Variants in FRYL observed in about 807,000 individuals in gnomAD.
FRYL encodes the protein FRY like transcription coactivator, also known as protein furry homolog-like.
Under a neutral mutation model 351.2 loss-of-function variants are expected in FRYL, and 150 were observed. The ratio of observed to expected loss-of-function variants is 0.43; its 90% confidence interval spans 0.37 to 0.49. FRYL has a LOEUF of 0.49. Ranked by LOEUF, FRYL falls within the 20% of genes least tolerant of loss-of-function variation. The pLI, the probability that FRYL is intolerant of heterozygous loss-of-function variation, is 0.00. For missense variants in FRYL, 3,036 were observed against 3,619.3 expected, an observed-to-expected ratio of 0.84 and a Z score of 4.13; for synonymous variants, 1,153 against 1,257.1, an observed-to-expected ratio of 0.92 and a Z score of 1.75.
At chr4:48,627,935 T>C (rs548978552) in intron 4 of FRYL, among the ~76,000 whole-genome samples, 1 of 152,268 alleles carries the variant, frequency 6.6e-6, no homozygotes, top group East Asian at 1.9e-4. Context: ...CACGTCCAGC[T>C]AGTTTTTGTA....
In FRYL at chr4:48,714,297, C is replaced by A. The variant is rs1005761192; in HGVS notation, c.-383-3599G>T. On this transcript the variant is annotated intron_variant, in intron 1 of 63. Transcript: ENST00000358350. ...AGAGCAGAACTGAAGGAAATAGAGA[C>A]ACAAAAAACCCTTAAAAAAATTAAT... Among the ~76,000 whole-genome samples the A allele has an allele frequency of 2.7e-4, 39 of 147,136 alleles. 1 individual carries two copies. The highest frequency in any genetic ancestry group is 9.6e-4 in the African/African-American group (39 of 40,596).
rs368662738 is a variant in FRYL, at chr4:48,580,872, G to A, written c.2252C>T (p.Ala751Val). The A allele has an allele frequency of 3.2e-5, 52 of 1,605,208 alleles. No individual in the cohort carries two copies. Among genetic ancestry groups the A allele is most frequent in the Non-Finnish European group, 4.0e-5 (47 of 1,172,872 alleles). The change falls in exon 22 of 64, where the codon GCT becomes GTT. Residue 751 changes from alanine (A) to valine (V), a missense_variant. Ala to Val is a moderately conservative substitution (Grantham distance 64). This residue lies in a region of FRYL where 492 missense variants were observed against 551.5 expected (regional missense o/e 0.89). Transcript: ENST00000358350. ...TGAAGTCACTATAGTTACCTGATCA[G>A]CCCCAGTGAGATGTATGAAGCTCTC... ...ILESFIHLTG[A>V]DQTTLLYCPS...
chr4:48,674,851 T>C (rs566507354), intron 3 of FRYL, among the ~76,000 whole-genome samples: 19 of 151,942 alleles, frequency 1.3e-4, no homozygotes, highest in African/African-American at 3.9e-4. Flanking sequence ...GAAGTAGAAA[T>C]TGGGGGAAAA....
chr4:48,726,098 T>G (rs1247748967), intron 1 of FRYL, among the ~76,000 whole-genome samples: 3 of 152,356 alleles, frequency 2.0e-5, no homozygotes, highest in African/African-American at 7.2e-5. Context: ...AAGGCAAAAC[T>G]ACTTGCTTTT....
Position 48,499,607 on chromosome 4 carries a change from G to A in FRYL, c.8857C>T (p.His2953Tyr), listed in dbSNP as rs751439095. 4 of 1,613,978 alleles carry A rather than the reference G, an allele frequency of 2.5e-6. No individual in the cohort carries two copies. The Admixed American group carries it at 6.7e-5, about 27-fold the overall frequency. ...CCTGTCTGGCCCAGCGTCTGATGAT[G>A]GAAATATATATGTAACAGTGTCTGT... ...PVQTLLHIYF[H>Y]HQTLGQTGSF... The change falls in exon 64 of 64, where the codon CAT (histidine) becomes TAT (tyrosine). Residue 2953 changes from histidine (H) to tyrosine (Y), a missense_variant. Physicochemically the swap from His to Tyr is moderately conservative, Grantham distance 83. Coordinates refer to ENST00000358350, the MANE Select transcript of FRYL (RefSeq NM_015030.2).
intron 1 of FRYL, among the ~76,000 whole-genome samples, chr4:48,765,725 A>G (rs1368630841): frequency 6.6e-6 from 1 of 152,342 alleles, no homozygotes; most frequent in East Asian, 1.9e-4. Flanking sequence ...ATGGGAGAAA[A>G]TATTTACAGA....
At chr4:48,581,714 G>C in intron 20 of FRYL, 109 bp from the exon 21 acceptor site, 1 of 850,430 alleles carries the variant, frequency 1.2e-6, no homozygotes, top group Non-Finnish European at 1.8e-6. Flanking sequence ...CTACCGGTCT[G>C]CCTCAGCTCA....
intron 11 of FRYL, among the ~76,000 whole-genome samples, chr4:48,604,016 T>G (rs1746229194): frequency 1.3e-5 from 2 of 152,356 alleles, no homozygotes; most frequent in South Asian, 4.1e-4. Flanking sequence ...CTCACCCCTT[T>G]GGCAATCCTA....
chr4:48,761,672 T>C (rs907928257), intron 1 of FRYL, among the ~76,000 whole-genome samples: 5 of 152,114 alleles, frequency 3.3e-5, no homozygotes, highest in Admixed American at 1.3e-4. Context: ...TATCTAAACA[T>C]AGAAAAGTAT....
intron 36 of FRYL, among the ~76,000 whole-genome samples, chr4:48,552,244 GGTGT>G (rs67155390): frequency 0.041 from 5,943 of 145,232 alleles, 301 homozygotes; most frequent in African/African-American, 0.12. Flanking sequence ...AGTCCAAAGG[GGTGT>G]GTGTGTGTGT....
At chr4:48,765,863 T>C (rs1774890934) in intron 1 of FRYL, among the ~76,000 whole-genome samples, 2 of 152,254 alleles carry the variant, frequency 1.3e-5, no homozygotes, top group South Asian at 2.1e-4. Context: ...AAGGAAGACA[T>C]ACAAACAGAC....
At chr4:48,705,751 T>G (rs1208973988) in intron 2 of FRYL, among the ~76,000 whole-genome samples, 1 of 152,214 alleles carries the variant, frequency 6.6e-6, no homozygotes, top group Non-Finnish European at 1.5e-5. Flanking sequence ...GAACAATTAT[T>G]AAGACTAACT....
At chr4:48,744,544 A>AT (rs898492001) in intron 1 of FRYL, among the ~76,000 whole-genome samples, 12 of 152,072 alleles carry the variant, frequency 7.9e-5, no homozygotes, top group South Asian at 2.1e-4. Flanking sequence ...CATATGCCTG[A>AT]TTTTTTTTCT....
chr4:48,625,007 T>C (rs999347068), intron 4 of FRYL, among the ~76,000 whole-genome samples: 2 of 152,178 alleles, frequency 1.3e-5, no homozygotes, highest in African/African-American at 4.8e-5. Context: ...ACTTATACCA[T>C]GGGCTCTCCT....
At position 48,528,167 on chromosome 4, in the gene FRYL, T is replaced by G. The variant is rs765692898; in HGVS notation, c.7065+8A>C. ...TATGAATGTTCCATTTTGATATTCT[T>G]TATGTACCTGTGATAACTGTGGCCT... On this transcript the variant is annotated splice_region_variant and intron_variant, in intron 51 of 63. Coordinates refer to ENST00000358350, the MANE Select transcript of FRYL (RefSeq NM_015030.2). 3 of 1,610,726 alleles carry G rather than the reference T, an allele frequency of 1.9e-6. No individual in the cohort carries two copies. In the South Asian group the frequency reaches 3.3e-5, roughly 18 times the overall value.
intron 1 of FRYL, among the ~76,000 whole-genome samples, chr4:48,775,809 C>A (rs1775957303): frequency 6.6e-6 from 1 of 152,130 alleles, no homozygotes; most frequent in South Asian, 2.1e-4. Flanking sequence ...AGGTTTTGAT[C>A]AATTTTTGCA....
chr4:48,775,699 CCT>C (rs1325881760), intron 1 of FRYL, among the ~76,000 whole-genome samples: 8 of 152,092 alleles, frequency 5.3e-5, no homozygotes, highest in Admixed American at 2.6e-4. Flanking sequence ...AATTTTTAAT[CCT>C]CTCTCTCTTG....
chr4:48,590,954 C>T (rs2149205495), intron 16 of FRYL, 124 bp from the exon 17 acceptor site: 1 of 667,692 alleles, frequency 1.5e-6, no homozygotes, highest in Non-Finnish European at 2.5e-6. Flanking sequence ...AGAAGGAACA[C>T]TAACCTTTCT....
At chr4:48,587,058 T>C (rs1271958964) in intron 18 of FRYL, among the ~76,000 whole-genome samples, 2 of 151,696 alleles carry the variant, frequency 1.3e-5, no homozygotes, top group Non-Finnish European at 2.9e-5. Context: ...ATATTTAGCC[T>C]CCCACAAATA....
Sources: allele counts gnomAD v4.1 joint callset (sites outside exome capture counted in the v4.1 genomes callset), GRCh38; gene constraint gnomAD v4.1.1; regional missense constraint gnomAD v4.1.1; transcripts MANE v1.5; gene names NCBI Gene and HGNC (gene_info 2026-07-23, HGNC 2026-07-21).